KLRG1: variants seen among roughly 807,000 people sequenced by gnomAD.
The protein encoded by KLRG1 is killer cell lectin like receptor G1, also known as killer cell lectin-like receptor subfamily G member 1.
A neutral mutation model predicts 21.8 loss-of-function variants in KLRG1; 16 were observed. That is an observed-to-expected ratio of 0.73 (90% CI 0.50 to 1.11). The LOEUF (loss-of-function observed/expected upper bound fraction) is 1.11. Among genes scored for constraint, KLRG1 ranks in the 50% most tolerant of loss-of-function variants. The pLI, the probability that KLRG1 is intolerant of heterozygous loss-of-function variation, is 0.00. For synonymous variants in KLRG1, 69 were observed against 75.9 expected (o/e 0.91, Z 0.47); for missense variants, 173 against 218.3 (o/e 0.79, Z 1.31).
the KLRG1 span, chr12:9,151,754 G>A: frequency 9.2e-7 from 1 of 1,081,222 alleles, no homozygotes. Flanking sequence ...TTGTAATAAG[G>A]GACAAATGGT....
In KLRG1 at chr12:8,995,296, C is replaced by T; in HGVS notation, c.357+8C>T. 2 of 1,595,528 alleles carry T rather than the reference C, an allele frequency of 1.3e-6. No homozygotes were observed. The highest frequency in any genetic ancestry group is 1.7e-6 in the Non-Finnish European group (2 of 1,174,278). ...ACGGACAATCAGGAAATGGTAAATG[C>T]AAACATTTAGAAAATGTAGGGTTTT... is the stretch of plus-strand genomic sequence containing the variant. On this transcript the variant is annotated splice_region_variant and intron_variant, in intron 3 of 4. Transcript: ENST00000356986.
At chr12:9,128,918 T>G in the KLRG1 span, among the ~76,000 whole-genome samples, 1 of 152,222 alleles carries the variant, frequency 6.6e-6, no homozygotes, top group Non-Finnish European at 1.5e-5. Context: ...CTCTTTGCTA[T>G]GTATTTAGGC....
chr12:9,210,932 A>G, the KLRG1 span, among the ~76,000 whole-genome samples: 1 of 152,184 alleles, frequency 6.6e-6, no homozygotes, highest in Admixed American at 6.5e-5. Flanking sequence ...TCCTGCCATG[A>G]GGAAATAATG....
At chr12:9,152,987 T>C in the KLRG1 span, 10 of 1,613,470 alleles carry the variant, frequency 6.2e-6, no homozygotes, top group Non-Finnish European at 8.5e-6. Flanking sequence ...GTTTCTCTCT[T>C]TTTCTGGACC....
the KLRG1 span, among the ~76,000 whole-genome samples, chr12:9,187,629 C>G: frequency 1.3e-5 from 2 of 152,108 alleles, no homozygotes; most frequent in Non-Finnish European, 2.9e-5. Context: ...TTCTTTGAAA[C>G]CAGTAAGAAC....
At chr12:9,076,748 G>T in the KLRG1 span, 1 of 1,613,740 alleles carries the variant, frequency 6.2e-7, no homozygotes, top group Non-Finnish European at 8.5e-7. Context: ...TCTCAGGTGT[G>T]CTCTCACCTT....
chr12:9,040,869 T>C, the KLRG1 span, among the ~76,000 whole-genome samples: 1 of 152,248 alleles, frequency 6.6e-6, no homozygotes, highest in East Asian at 1.9e-4. Flanking sequence ...ATTGAGAGAT[T>C]GTAGTTGTTC....
chr12:9,027,672 A>G, the KLRG1 span: 5 of 1,008,600 alleles, frequency 5.0e-6, no homozygotes, highest in South Asian at 3.8e-5. Context: ...CATGGGTCCA[A>G]AATTTGAAAA....
At chr12:9,009,208 C>G (rs3741854) in intron 4 of KLRG1, 133 bp downstream of exon 4, 1 of 700,278 alleles carries the variant, frequency 1.4e-6, no homozygotes. Context: ...AAATAGGGAA[C>G]AAGGAAGGGA....
chr12:9,132,355 G>T, the KLRG1 span, among the ~76,000 whole-genome samples: 84 of 152,336 alleles, frequency 5.5e-4, no homozygotes, highest in Non-Finnish European at 9.1e-4. Flanking sequence ...AACGACATGG[G>T]TTGTGAAACA....
At chr12:9,013,927 G>T (rs1233870706), downstream of KLRG1, among the ~76,000 whole-genome samples, 2 of 152,070 alleles carry the variant, frequency 1.3e-5, no homozygotes, top group Non-Finnish European at 2.9e-5. Context: ...AAATAAGTTT[G>T]AAAAATCAAG....
the KLRG1 span, among the ~76,000 whole-genome samples, chr12:9,031,172 G>T: frequency 1.3e-5 from 2 of 152,210 alleles, no homozygotes; most frequent in African/African-American, 2.4e-5. Flanking sequence ...GCACCTTTAG[G>T]CTGGGAGGGG....
the KLRG1 span, chr12:9,028,735 C>T: frequency 7.5e-6 from 4 of 530,264 alleles, no homozygotes; most frequent in Non-Finnish European, 1.4e-5. Context: ...AGCCACCGCA[C>T]CCGGCCTCAG....
At chr12:9,164,635 T>C in the KLRG1 span, among the ~76,000 whole-genome samples, 9 of 152,158 alleles carry the variant, frequency 5.9e-5, no homozygotes, top group Non-Finnish European at 1.0e-4. Flanking sequence ...GTCTAATCCA[T>C]ACAAGACATA....
chr12:9,063,110 T>A, the KLRG1 span, among the ~76,000 whole-genome samples: 3 of 152,178 alleles, frequency 2.0e-5, no homozygotes, highest in Non-Finnish European at 4.4e-5. Context: ...CCTCAAATGA[T>A]CCTCCTGCCT....
the KLRG1 span, among the ~76,000 whole-genome samples, chr12:9,199,903 A>G: frequency 6.6e-6 from 1 of 152,220 alleles, no homozygotes; most frequent in Non-Finnish European, 1.5e-5. Context: ...CTTAGGAGTC[A>G]TAATAACCAA....
chr12:9,012,497 G>T (rs1267623911), downstream of KLRG1, among the ~76,000 whole-genome samples: 1 of 152,030 alleles, frequency 6.6e-6, no homozygotes, highest in African/African-American at 2.4e-5. Flanking sequence ...GTTTGCCATA[G>T]GTATTGGGTG....
chr12:8,973,480 C>T (rs974949897), intron 1 of KLRG1, among the ~76,000 whole-genome samples: 3 of 152,162 alleles, frequency 2.0e-5, no homozygotes, highest in Non-Finnish European at 4.4e-5. Context: ...AGTGTTCATT[C>T]GCTCTGGTGG....
chr12:8,988,666 C>T (rs914686731), upstream of KLRG1, among the ~76,000 whole-genome samples: 2 of 152,050 alleles, frequency 1.3e-5, no homozygotes, highest in Non-Finnish European at 1.5e-5. Context: ...CTGCAACCTC[C>T]GCCTCCCGGT....
Sources: allele counts gnomAD v4.1 joint callset (sites outside exome capture counted in the v4.1 genomes callset), GRCh38; gene constraint gnomAD v4.1.1; transcripts MANE v1.5; gene names NCBI Gene and HGNC (gene_info 2026-07-23, HGNC 2026-07-21).